Variants in WWOX observed in about 807,000 individuals in gnomAD.
WWOX encodes WW domain-containing oxidoreductase.
In WWOX, 69 loss-of-function variants were observed where a neutral mutation model predicts 46.2. The observed-to-expected ratio is 1.49, with a 90% CI of 1.23 to 1.82. The LOEUF (loss-of-function observed/expected upper bound fraction) is 1.82, where lower values mean the gene tolerates loss of function less well. Among genes scored for constraint, WWOX ranks in the 40% most tolerant of loss-of-function variants. The pLI, the probability that WWOX is intolerant of heterozygous loss-of-function variation, is 0.00. For synonymous variants in WWOX, 359 were observed against 202.6 expected (o/e 1.77, Z -6.56); for missense variants, 919 against 542.6 (o/e 1.69, Z -6.89).
chr16:78,263,769 G>A (rs904815974), intron 5 of WWOX, among the ~76,000 whole-genome samples: 4 of 152,124 alleles, frequency 2.6e-5, no homozygotes, highest in Non-Finnish European at 5.9e-5. Context: ...CCACTTACCT[G>A]GAGTAAGTAG....
chr16:78,365,659 G>A (rs148163626), intron 5 of WWOX, among the ~76,000 whole-genome samples: 39 of 152,260 alleles, frequency 2.6e-4, no homozygotes, highest in Middle Eastern at 3.4e-3. Flanking sequence ...TACTGCTGTC[G>A]TTTAGATTAG....
chr16:78,226,349 C>A (rs1242912634), intron 5 of WWOX, among the ~76,000 whole-genome samples: 1 of 152,060 alleles, frequency 6.6e-6, no homozygotes, highest in African/African-American at 2.4e-5. Context: ...TAAATCTCAG[C>A]ATTTTCAGGG....
chr16:78,910,088 T>G (rs945713329), intron 8 of WWOX, among the ~76,000 whole-genome samples: 2 of 152,250 alleles, frequency 1.3e-5, no homozygotes, highest in Non-Finnish European at 2.9e-5. Context: ...ATTTTTCATG[T>G]GTAGATGTGG....
At chr16:78,409,791 C>A (rs1358951264) in intron 6 of WWOX, among the ~76,000 whole-genome samples, 1 of 152,238 alleles carries the variant, frequency 6.6e-6, no homozygotes, top group South Asian at 2.1e-4. Context: ...AAAGGTCACC[C>A]ACAACATCTT....
intron 6 of WWOX, among the ~76,000 whole-genome samples, chr16:78,417,303 G>C (rs1029314660): frequency 2.0e-5 from 3 of 151,956 alleles, no homozygotes; most frequent in Non-Finnish European, 2.9e-5. Context: ...ATGTTGTCCA[G>C]GTTGGTCTTG....
At chr16:78,464,310 G>C (rs1399852115) in intron 8 of WWOX, among the ~76,000 whole-genome samples, 1 of 151,628 alleles carries the variant, frequency 6.6e-6, no homozygotes, top group Non-Finnish European at 1.5e-5. Context: ...GAAGGAAAGA[G>C]AGGAAAGAGG....
chr16:78,912,730 T>A (rs1352200783), intron 8 of WWOX, among the ~76,000 whole-genome samples: 1 of 152,028 alleles, frequency 6.6e-6, no homozygotes, highest in African/African-American at 2.4e-5. Context: ...TACTTGTGAT[T>A]AGGCAATGGT....
intron 8 of WWOX, among the ~76,000 whole-genome samples, chr16:78,500,879 A>T (rs1460606429): frequency 6.6e-6 from 1 of 152,252 alleles, no homozygotes; most frequent in Non-Finnish European, 1.5e-5. Context: ...TTTCTGGCTC[A>T]AAGAAGTTCC....
chr16:78,287,256 T>C (rs181270603), intron 5 of WWOX, among the ~76,000 whole-genome samples: 2 of 152,388 alleles, frequency 1.3e-5, no homozygotes, highest in Non-Finnish European at 2.9e-5. Context: ...TTCTTTTCTT[T>C]GAAACGGTTT....
At chr16:78,851,269 A>C (rs2052436526) in intron 8 of WWOX, among the ~76,000 whole-genome samples, 1 of 152,198 alleles carries the variant, frequency 6.6e-6, no homozygotes, top group African/African-American at 2.4e-5. Context: ...CAGGGTCATA[A>C]ACAATAATTT....
chr16:78,280,527 A>C (rs1012344841), intron 5 of WWOX, among the ~76,000 whole-genome samples: 1 of 152,152 alleles, frequency 6.6e-6, no homozygotes, highest in Admixed American at 6.5e-5. Flanking sequence ...TAATTGGCTC[A>C]CAGTTTTGTA....
At position 78,762,156 on chromosome 16, in the gene WWOX, A is replaced by G. The variant is rs77476308; in HGVS notation, c.1056+329404A>G. Among the ~76,000 whole-genome samples the G allele has an allele frequency of 5.2e-3, 787 of 152,328 alleles. 4 individuals carry two copies. The highest frequency in any genetic ancestry group is 0.017 in the African/African-American group (716 of 41,566). On this transcript the variant is annotated intron_variant, in intron 8 of 8. Transcript: ENST00000566780. ...TTCCATTTTATAGATTAGGAAACCA[A>G]GGTCAAAAGTGGTGAATTGATTTGA...
At chr16:78,138,964 C>G (rs1264763796) in intron 4 of WWOX, among the ~76,000 whole-genome samples, 1 of 152,176 alleles carries the variant, frequency 6.6e-6, no homozygotes, top group Non-Finnish European at 1.5e-5. Context: ...ATGCAGACAA[C>G]CCGTTTATAC....
At chr16:78,887,547 C>G (rs1326950826) in intron 8 of WWOX, among the ~76,000 whole-genome samples, 2 of 150,302 alleles carry the variant, frequency 1.3e-5, no homozygotes, top group Non-Finnish European at 3.0e-5. Context: ...CCTCAACACC[C>G]TTCCAAAACA....
At chr16:78,852,251 T>C (rs1172047704) in intron 8 of WWOX, among the ~76,000 whole-genome samples, 1 of 152,176 alleles carries the variant, frequency 6.6e-6, no homozygotes, top group East Asian at 1.9e-4. Flanking sequence ...TACATTGCAG[T>C]ATATTTCTCT....
intron 8 of WWOX, among the ~76,000 whole-genome samples, chr16:78,922,351 C>G (rs1048333637): frequency 2.0e-5 from 3 of 151,366 alleles, no homozygotes; most frequent in Non-Finnish European, 4.4e-5. Flanking sequence ...CTCTTTTTTT[C>G]AGGAATATAT....
At chr16:78,369,079 C>A (rs1307307932) in intron 5 of WWOX, among the ~76,000 whole-genome samples, 1 of 148,708 alleles carries the variant, frequency 6.7e-6, no homozygotes, top group Non-Finnish European at 1.5e-5. Flanking sequence ...TTTAACTATT[C>A]TTCTTTAGAG....
chr16:78,777,776 G>T (rs2050227496), intron 8 of WWOX, among the ~76,000 whole-genome samples: 1 of 152,152 alleles, frequency 6.6e-6, no homozygotes, highest in Non-Finnish European at 1.5e-5. Context: ...ACTGGGCCTG[G>T]TGGCTCACGC....
At chr16:78,969,075 A>G (rs2046419211) in intron 8 of WWOX, among the ~76,000 whole-genome samples, 1 of 152,016 alleles carries the variant, frequency 6.6e-6, no homozygotes, top group Non-Finnish European at 1.5e-5. Context: ...TTCCTCCATT[A>G]GAGACCTGGC....
Sources: allele counts gnomAD v4.1 joint callset (sites outside exome capture counted in the v4.1 genomes callset), GRCh38; gene constraint gnomAD v4.1.1; transcripts MANE v1.5; gene names NCBI Gene and HGNC (gene_info 2026-07-23, HGNC 2026-07-21).